PPARGC1A: variants seen among roughly 807,000 people sequenced by gnomAD.
PPARGC1A encodes the protein peroxisome proliferator-activated receptor gamma coactivator 1-alpha.
Under a neutral mutation model 88.7 loss-of-function variants are expected in PPARGC1A, and 25 were observed. The ratio of observed to expected loss-of-function variants is 0.28; its 90% CI spans 0.21 to 0.39. The LOEUF is 0.39. PPARGC1A is among the 10% of genes least tolerant of loss of function. The pLI is 1.00. For missense variants in PPARGC1A, 880 were observed against 968.7 expected, an observed-to-expected ratio of 0.91 and a Z score of 1.22; for synonymous variants, 363 against 355.6, an observed-to-expected ratio of 1.02 and a Z score of -0.24.
At chr4:24,115,714 T>G in the PPARGC1A span, among the ~76,000 whole-genome samples, 2 of 152,192 alleles carry the variant, frequency 1.3e-5, no homozygotes, top group African/African-American at 4.8e-5. Context: ...AGCATTTTAA[T>G]GCTGACAAAG....
chr4:24,033,583 G>C, the PPARGC1A span, among the ~76,000 whole-genome samples: 1 of 152,146 alleles, frequency 6.6e-6, no homozygotes, highest in East Asian at 1.9e-4. Context: ...ATTTAGAATT[G>C]AAAGAACACA....
the PPARGC1A span, among the ~76,000 whole-genome samples, chr4:24,390,854 C>G: frequency 6.6e-6 from 1 of 151,880 alleles, no homozygotes; most frequent in Non-Finnish European, 1.5e-5. Context: ...TTTCATGACC[C>G]CCTGATAACA....
the PPARGC1A span, among the ~76,000 whole-genome samples, chr4:24,102,076 C>G: frequency 2.0e-5 from 3 of 152,190 alleles, no homozygotes; most frequent in African/African-American, 7.2e-5. Flanking sequence ...CAATCCCAAC[C>G]CCCTGCCCCA....
At chr4:24,149,104 G>A in the PPARGC1A span, among the ~76,000 whole-genome samples, 1 of 152,080 alleles carries the variant, frequency 6.6e-6, no homozygotes, top group African/African-American at 2.4e-5. Context: ...ATGCTTAAAT[G>A]AATGACAAAA....
At chr4:23,837,848 C>A (rs1254747636) in intron 2 of PPARGC1A, among the ~76,000 whole-genome samples, 1 of 152,140 alleles carries the variant, frequency 6.6e-6, no homozygotes, top group Admixed American at 6.5e-5. Flanking sequence ...AGGTGTGTCT[C>A]TTTCTTGAAT....
At chr4:24,377,790 G>A in the PPARGC1A span, among the ~76,000 whole-genome samples, 1 of 152,150 alleles carries the variant, frequency 6.6e-6, no homozygotes, top group Non-Finnish European at 1.5e-5. Flanking sequence ...AAATTATTGT[G>A]TGACTAAAAG....
the PPARGC1A span, among the ~76,000 whole-genome samples, chr4:24,392,776 G>C: frequency 6.6e-6 from 1 of 152,066 alleles, no homozygotes. Context: ...TTGGAATTCT[G>C]CACACTTTCC....
At chr4:23,915,884 C>A in the PPARGC1A span, among the ~76,000 whole-genome samples, 9 of 152,298 alleles carry the variant, frequency 5.9e-5, no homozygotes, top group Admixed American at 3.9e-4. Flanking sequence ...GATCTAAGTT[C>A]AGCTCCTAAG....
At chr4:24,400,197 G>C in the PPARGC1A span, among the ~76,000 whole-genome samples, 1 of 152,202 alleles carries the variant, frequency 6.6e-6, no homozygotes, top group African/African-American at 2.4e-5. Flanking sequence ...GGGATACAAA[G>C]TATTAGTCCT....
intron 2 of PPARGC1A, among the ~76,000 whole-genome samples, chr4:23,865,502 T>G (rs1711724494): frequency 1.3e-5 from 2 of 152,174 alleles, no homozygotes; most frequent in African/African-American, 4.8e-5. Flanking sequence ...ATCAGATCTA[T>G]TAAGAGAGAA....
intron 2 of PPARGC1A, among the ~76,000 whole-genome samples, chr4:23,832,468 C>T (rs1426046112): frequency 6.6e-6 from 1 of 152,044 alleles, no homozygotes; most frequent in African/African-American, 2.4e-5. Context: ...TTCTTCATAC[C>T]CAAACTCTGG....
the PPARGC1A span, among the ~76,000 whole-genome samples, chr4:24,328,008 G>C: frequency 6.6e-6 from 1 of 151,996 alleles, no homozygotes; most frequent in East Asian, 1.9e-4. Flanking sequence ...AGCACCTTGT[G>C]ACCCCTGCCC....
At chr4:24,339,237 T>TATATAC in the PPARGC1A span, among the ~76,000 whole-genome samples, 27 of 104,308 alleles carry the variant, frequency 2.6e-4, no homozygotes, top group Non-Finnish European at 4.3e-4. Flanking sequence ...TATATATATA[T>TATATAC]ACACACACAC....
chr4:23,896,872 T>C (rs1186382164), intron 1 of PPARGC1A, among the ~76,000 whole-genome samples: 7 of 152,166 alleles, frequency 4.6e-5, no homozygotes, highest in African/African-American at 1.4e-4. Flanking sequence ...TTTGGAGACA[T>C]GGCTTCCACT....
At chr4:23,858,310 C>T (rs1730580204) in intron 2 of PPARGC1A, among the ~76,000 whole-genome samples, 2 of 152,112 alleles carry the variant, frequency 1.3e-5, no homozygotes, top group Non-Finnish European at 2.9e-5. Flanking sequence ...TGGTTCACTA[C>T]TATATTCCTA....
chr4:23,825,015 C>A (rs1458593992), intron 5 of PPARGC1A, among the ~76,000 whole-genome samples: 8 of 152,100 alleles, frequency 5.3e-5, no homozygotes, highest in Non-Finnish European at 2.9e-5. Flanking sequence ...GAGATGATGG[C>A]AAATTGTGGG....
rs1424486891 is a variant in PPARGC1A at position 23,859,794 on chromosome 4, A to G, written c.234+24958T>C. Among the ~76,000 whole-genome samples the G allele has an allele frequency of 0.011, 88 of 8,170 alleles. 1 individual carries two copies. In the African/African-American group the frequency reaches 0.11, roughly 10 times the overall value. 5.4% of individuals were successfully genotyped at this position (8,170 alleles called of 152,430 possible). A position where few individuals can be genotyped will look rare whatever the true frequency, so the allele number is the denominator to read the frequency against. On this transcript the variant is annotated intron_variant, in intron 2 of 12. Coordinates refer to ENST00000264867, the MANE Select transcript of PPARGC1A (RefSeq NM_013261.5). ...AGACACCGTCTCAAAATAAAATAAA[A>G]TAAAATAAAATAAAATAAAATAAAA...
chr4:24,431,719 G>A, the PPARGC1A span, among the ~76,000 whole-genome samples: 2 of 152,192 alleles, frequency 1.3e-5, no homozygotes, highest in African/African-American at 2.4e-5. Flanking sequence ...TTTGTGTCCT[G>A]TTTCCTCCAC....
chr4:23,989,535 T>C, the PPARGC1A span, among the ~76,000 whole-genome samples: 2 of 152,044 alleles, frequency 1.3e-5, no homozygotes, highest in Admixed American at 6.6e-5. Flanking sequence ...ATATATATTT[T>C]ATAAAATTAG....
Sources: allele counts gnomAD v4.1 joint callset (sites outside exome capture counted in the v4.1 genomes callset), GRCh38; gene constraint gnomAD v4.1.1; transcripts MANE v1.5; gene names NCBI Gene and HGNC (gene_info 2026-07-23, HGNC 2026-07-21).